ATP5MK: variants seen among roughly 807,000 people sequenced by gnomAD.
ATP5MK encodes the protein ATP synthase membrane subunit k.
Under a neutral mutation model 6.6 loss-of-function variants are expected in ATP5MK, and 5 were observed. The ratio of observed to expected loss-of-function variants is 0.76; its 90% CI spans 0.40 to 1.60. ATP5MK has a LOEUF of 1.60. ATP5MK is among the 40% of genes most tolerant of loss of function. The pLI is 0.02. For synonymous variants in ATP5MK, 30 were observed against 24.5 expected (o/e 1.22, Z -0.66); for missense variants, 57 against 66.6 (o/e 0.86, Z 0.50).
At chr10:103,389,393 G>A (rs186843881) in intron 4 of ATP5MK, among the ~76,000 whole-genome samples, 127 of 152,258 alleles carry the variant, frequency 8.3e-4, no homozygotes, top group African/African-American at 2.7e-3. Context: ...CACAATCTCG[G>A]CTCACTGCAA....
intron 4 of ATP5MK, among the ~76,000 whole-genome samples, 192 bp from the exon 5 acceptor site, chr10:103,389,358 T>C (rs571596421): frequency 3.9e-4 from 59 of 152,322 alleles, no homozygotes; most frequent in Non-Finnish European, 4.6e-4. Context: ...AGTTCGCTCT[T>C]GTTGCCCAGG....
chr10:103,391,369 A>G (rs746889261), intron 4 of ATP5MK, among the ~76,000 whole-genome samples: 1 of 152,270 alleles, frequency 6.6e-6, no homozygotes, highest in African/African-American at 2.4e-5. Flanking sequence ...AATAGTTCAT[A>G]TATTTATAAA....
At chr10:103,390,311 A>C (rs1156454902) in intron 4 of ATP5MK, among the ~76,000 whole-genome samples, 1 of 151,912 alleles carries the variant, frequency 6.6e-6, no homozygotes, top group Non-Finnish European at 1.5e-5. Flanking sequence ...GGGCAACATC[A>C]CAAAACCCTG....
chr10:103,394,443 G>A (rs1347218281), intron 2 of ATP5MK: 1 of 448,850 alleles, frequency 2.2e-6, no homozygotes, highest in Non-Finnish European at 4.9e-6. Context: ...CATTACTATG[G>A]AAACTGGAAC....
At chr10:103,392,056 A>T in intron 4 of ATP5MK, 135 bp downstream of exon 4, 1 of 703,378 alleles carries the variant, frequency 1.4e-6, no homozygotes, top group Non-Finnish European at 2.4e-6. Context: ...CCACTATACT[A>T]GGCCTCTGTA....
Position 103,392,416 on chromosome 10 carries a change from A to G in ATP5MK, c.42T>C (p.Gly14=), listed in dbSNP as rs1436017479. Residue 14 remains glycine (G), a synonymous_variant, in exon 3 of 5, where the codon GGT becomes GGC. Coordinates refer to ENST00000369815, the MANE Select transcript of ATP5MK (RefSeq NM_001206427.2). The stretch of plus-strand genomic sequence containing the variant: ...TATAAGAGTTGAAATATTTTTTAAT[A>G]CCAGTGAACTGGTATTGCGCATCAC... The part of the protein sequence containing the change: ...PESDAQYQFT[G]IKKYFNSYTL... 4 of 1,607,960 alleles carry G rather than the reference A, an allele frequency of 2.5e-6. No homozygotes were observed. In the South Asian group the frequency reaches 3.4e-5, roughly 14 times the overall value.
intron 4 of ATP5MK, 98 bp downstream of exon 4, chr10:103,392,093 T>C: frequency 2.7e-6 from 3 of 1,100,330 alleles, no homozygotes; most frequent in Non-Finnish European, 3.9e-6. Flanking sequence ...GCTATAAATT[T>C]TGCAAAATGA....
rs976178649 is a variant in ATP5MK at position 103,395,755 on chromosome 10, T to G, written c.-19A>C. 1 of 152,252 alleles carries G rather than the reference T, an allele frequency of 6.6e-6. No homozygotes were observed. Among genetic ancestry groups the G allele is most frequent in the Non-Finnish European group, 1.5e-5 (1 of 68,062 alleles). 9.4% of individuals were successfully genotyped at this position (152,252 alleles called of 1,614,324 possible). On this transcript the variant is annotated 5_prime_UTR_variant, in exon 2 of 5. Transcript: ENST00000369815. ...CTAACTTAACACCTACCTGGAATGG[T>G]GAGATCACGAGGTAAGGAAGGCAAA...
chr10:103,393,926 T>C (rs2093422173), intron 2 of ATP5MK, among the ~76,000 whole-genome samples: 2 of 152,206 alleles, frequency 1.3e-5, no homozygotes, highest in Admixed American at 1.3e-4. Flanking sequence ...AAAAATCTTA[T>C]TTCTGGATTT....
chr10:103,390,383 A>G (rs1432985660), intron 4 of ATP5MK, among the ~76,000 whole-genome samples: 2 of 152,030 alleles, frequency 1.3e-5, no homozygotes, highest in African/African-American at 4.8e-5. Flanking sequence ...AATCCCAGCT[A>G]TTCAGGAGGC....
chr10:103,389,160 T>C lies in ATP5MK; in HGVS notation c.*10A>G, dbSNP rs2093405582. On this transcript the variant is annotated 3_prime_UTR_variant, in exon 5 of 5. Transcript: ENST00000369815. Reference sequence around the variant, plus strand: ...ATGAGGTTAAGAACCGTAGACAGTTTAAAATCCTATAAACAAAGCAAACAG... The same window carrying C: ...ATGAGGTTAAGAACCGTAGACAGTTCAAAATCCTATAAACAAAGCAAACAG... 6.6e-6 allele frequency: 1 copy of C among 152,536 alleles called. No homozygotes were observed. Among genetic ancestry groups the C allele is most frequent in the African/African-American group, 2.4e-5 (1 of 41,446 alleles). The allele number at this position is 152,536 out of a possible 1,614,324, so 9.4% of individuals were successfully genotyped here.
chr10:103,394,257 C>A (rs370036747), intron 2 of ATP5MK: 24 of 531,184 alleles, frequency 4.5e-5, no homozygotes, highest in Non-Finnish European at 8.2e-5. Context: ...CAAAAGGTCA[C>A]CAGAACAAGA....
intron 4 of ATP5MK, among the ~76,000 whole-genome samples, chr10:103,389,403 A>C (rs1592098461): frequency 1.3e-5 from 2 of 152,082 alleles, no homozygotes; most frequent in Admixed American, 1.3e-4. Context: ...GCTCACTGCA[A>C]CCTCCGCGTC....
In ATP5MK at chr10:103,392,472, A is replaced by T. The variant is rs1185860597; in HGVS notation, c.-9-6T>A. The T allele has an allele frequency of 3.2e-6, 5 of 1,567,176 alleles. No individual in the cohort carries two copies. The highest frequency in any genetic ancestry group is 4.3e-6 in the Non-Finnish European group (5 of 1,159,502). On this transcript the variant is annotated splice_region_variant and splice_polypyrimidine_tract_variant and intron_variant, in intron 2 of 4. Transcript: ENST00000369815. ...GGACCTGCCATGATTTCAATCTTTT[A>T]AAAAAAGAAAGAAAGCAACATTAAA...
chr10:103,394,932 A>T (rs2133652700), intron 2 of ATP5MK, among the ~76,000 whole-genome samples: 1 of 152,262 alleles, frequency 6.6e-6, no homozygotes, highest in South Asian at 2.1e-4. Flanking sequence ...ACAATACTAC[A>T]GCGCTTTAAA....
chr10:103,394,175 C>A, intron 2 of ATP5MK: 1 of 399,502 alleles, frequency 2.5e-6, no homozygotes, highest in Non-Finnish European at 5.5e-6. Flanking sequence ...GAATATATAG[C>A]AAAGGCAGCT....
chr10:103,389,354 C>T (rs553128024), intron 4 of ATP5MK, among the ~76,000 whole-genome samples, 188 bp from the exon 5 acceptor site: 1 of 151,944 alleles, frequency 6.6e-6, no homozygotes. Context: ...ACAGAGTTCG[C>T]TCTTGTTGCC....
At chr10:103,392,561 C>T in intron 2 of ATP5MK, 95 bp from the exon 3 acceptor site, 1 of 878,654 alleles carries the variant, frequency 1.1e-6, no homozygotes, top group Non-Finnish European at 1.7e-6. Flanking sequence ...AACTCAAGGT[C>T]ACTGCATATA....
intron 2 of ATP5MK, among the ~76,000 whole-genome samples, chr10:103,395,293 T>C (rs2093428727): frequency 6.6e-6 from 1 of 152,206 alleles, no homozygotes; most frequent in African/African-American, 2.4e-5. Flanking sequence ...TATGTTTTAA[T>C]TAAGTTGCTA....
Sources: allele counts gnomAD v4.1 joint callset (sites outside exome capture counted in the v4.1 genomes callset), GRCh38; gene constraint gnomAD v4.1.1; transcripts MANE v1.5; gene names NCBI Gene and HGNC (gene_info 2026-07-23, HGNC 2026-07-21).